The following HECW1 variants were observed in gnomAD, a reference collection of about 807,000 sequenced individuals.
The protein encoded by HECW1 is E3 ubiquitin-protein ligase HECW1.
Under a neutral mutation model 182.3 loss-of-function variants are expected in HECW1, and 61 were observed. The observed-to-expected ratio is 0.33, with a 90% confidence interval of 0.27 to 0.41. The LOEUF is 0.41. Among genes scored for constraint, HECW1 ranks in the 10% least tolerant of loss-of-function variants. HECW1 has a pLI of 1.00. For synonymous variants in HECW1, 859 were observed against 832.6 expected (o/e 1.03, Z -0.55); for missense variants, 1,739 against 2,108.9 (o/e 0.82, Z 3.44).
chr7:43,416,918 C>A (rs536406736), intron 8 of HECW1, among the ~76,000 whole-genome samples: 10 of 152,184 alleles, frequency 6.6e-5, no homozygotes, highest in Non-Finnish European at 1.2e-4. Flanking sequence ...CTGGCCTGCA[C>A]CCACTGCCTG....
At chr7:43,329,755 G>C (rs1811232660) in intron 5 of HECW1, among the ~76,000 whole-genome samples, 1 of 152,146 alleles carries the variant, frequency 6.6e-6, no homozygotes, top group Admixed American at 6.5e-5. Flanking sequence ...AAACAGAGAT[G>C]GGAAAGGAAC....
intron 4 of HECW1, 76 bp downstream of exon 4, chr7:43,312,163 T>G: frequency 7.8e-7 from 1 of 1,278,480 alleles, no homozygotes; most frequent in Non-Finnish European, 1.1e-6. Flanking sequence ...AACTCTACAA[T>G]ATAATTAAAA....
chr7:43,422,767 A>G (rs1410982859), intron 8 of HECW1, among the ~76,000 whole-genome samples: 1 of 152,170 alleles, frequency 6.6e-6, no homozygotes, highest in Non-Finnish European at 1.5e-5. Flanking sequence ...CAACAACACC[A>G]TGAGTAAATG....
intron 22 of HECW1, 131 bp downstream of exon 22, chr7:43,507,388 G>C (rs1226091944): frequency 1.2e-6 from 1 of 834,670 alleles, no homozygotes; most frequent in Admixed American, 3.0e-5. Context: ...TGAAGCGGGG[G>C]AAGAAGGAAG....
rs182451791 is a variant in HECW1, at chr7:43,487,430, A to G, written c.3235-4645A>G. On this transcript the variant is annotated intron_variant, in intron 17 of 29. Transcript: ENST00000395891. ...AAAAGAAATCCTAAAAGTAGTCCCTACTACAAACTGGGTTTTACCCAATTA... is the reference window on the plus strand; with the variant it reads ...AAAAGAAATCCTAAAAGTAGTCCCTGCTACAAACTGGGTTTTACCCAATTA... Among the ~76,000 whole-genome samples, 136 of 152,334 alleles carry G rather than the reference A, an allele frequency of 8.9e-4. 1 individual carries two copies. The highest frequency in any genetic ancestry group is 2.3e-3 in the African/African-American group (95 of 41,564).
intron 27 of HECW1, 55 bp downstream of exon 27, chr7:43,550,646 G>T: frequency 6.6e-7 from 1 of 1,521,362 alleles, no homozygotes; most frequent in Admixed American, 2.0e-5. Flanking sequence ...TGCTTCACGG[G>T]GCCTCATCCT....
intron 5 of HECW1, among the ~76,000 whole-genome samples, chr7:43,347,156 CT>C (rs753394966): frequency 9.2e-5 from 14 of 152,162 alleles, no homozygotes; most frequent in Non-Finnish European, 1.6e-4. Flanking sequence ...TTTGTGTCAT[CT>C]GTGATTTCTT....
chr7:43,507,059 G>C, intron 21 of HECW1, 78 bp from the exon 22 acceptor site: 1 of 1,529,250 alleles, frequency 6.5e-7, no homozygotes, highest in Non-Finnish European at 8.8e-7. Context: ...AACAGAGCGA[G>C]ACTCCTTCTC....
chr7:43,396,382 T>C (rs1026066455), intron 6 of HECW1, among the ~76,000 whole-genome samples: 8 of 152,152 alleles, frequency 5.3e-5, no homozygotes, highest in African/African-American at 1.7e-4. Context: ...TAAATAATAA[T>C]AAGTGGAGAT....
intron 19 of HECW1, among the ~76,000 whole-genome samples, chr7:43,493,949 G>A (rs76609090): frequency 0.037 from 5,560 of 152,192 alleles, 171 homozygotes; most frequent in East Asian, 0.14. Flanking sequence ...TTGAGGATGT[G>A]TAAAGGTTAA....
intron 5 of HECW1, among the ~76,000 whole-genome samples, chr7:43,325,770 G>T (rs73092853): frequency 0.039 from 5,934 of 152,104 alleles, 352 homozygotes; most frequent in African/African-American, 0.13. Flanking sequence ...CTCACCTCCC[G>T]GGTCAGTCTT....
chr7:43,366,260 G>A (rs970207008), intron 6 of HECW1, among the ~76,000 whole-genome samples: 1 of 151,852 alleles, frequency 6.6e-6, no homozygotes, highest in African/African-American at 2.4e-5. Context: ...CACCAATATA[G>A]GCTAAATTAG....
At chr7:43,225,761 T>C (rs1797368677) in intron 2 of HECW1, among the ~76,000 whole-genome samples, 1 of 152,142 alleles carries the variant, frequency 6.6e-6, no homozygotes, top group Admixed American at 6.5e-5. Context: ...AGAATCTACA[T>C]AGGATGCCAT....
At position 43,445,167 on chromosome 7, in the gene HECW1, C is replaced by T. The variant is rs1215560670; in HGVS notation, c.1995C>T (p.Gly665=). Residue 665 remains glycine, a synonymous_variant, in exon 11 of 30, where the codon GGC becomes GGT. Coordinates refer to ENST00000395891, the MANE Select transcript of HECW1 (RefSeq NM_015052.5). ...AGAGCGACTCCAGCCCCAGGCAAGG[C>T]GGGGACCACAGTTGCGAGGGCTGTG... ...GSESDSSPRQ[G]GDHSCEGCDA... The T allele has an allele frequency of 3.7e-6, 6 of 1,611,058 alleles. No homozygotes were observed. Among genetic ancestry groups the T allele is most frequent in the Admixed American group, 1.7e-5 (1 of 59,960 alleles).
At chr7:43,122,041 G>C (rs1386562850) in intron 2 of HECW1, 1 of 152,194 alleles carries the variant, frequency 6.6e-6, no homozygotes, top group East Asian at 1.9e-4. Context: ...GTTAGAAGAG[G>C]TGCACTCCAC....
At chr7:43,438,167 T>TA in intron 9 of HECW1, 22 bp downstream of exon 9, 1 of 1,605,696 alleles carries the variant, frequency 6.2e-7, no homozygotes, top group South Asian at 1.1e-5. Flanking sequence ...ACTGAGATCT[T>TA]ACTATCACTA....
Position 43,441,141 on chromosome 7 carries a change from C to T in HECW1, c.945-1388C>T, listed in dbSNP as rs1013398308. Among the ~76,000 whole-genome samples the T allele has an allele frequency of 3.9e-5, 6 of 152,184 alleles. No individual in the cohort carries two copies. In the East Asian group the frequency reaches 9.6e-4, roughly 24 times the overall value. On this transcript the variant is annotated intron_variant, in intron 9 of 29. Coordinates refer to ENST00000395891, the MANE Select transcript of HECW1 (RefSeq NM_015052.5). ...AGGCCCAGGTAAGGGGCAATTTACT[C>T]TGCTGAAGCTGCATTGTTAATGAAA...
At chr7:43,513,592 G>A (rs900687336) in intron 24 of HECW1, among the ~76,000 whole-genome samples, 3 of 152,016 alleles carry the variant, frequency 2.0e-5, no homozygotes, top group African/African-American at 7.2e-5. Context: ...CTCGTGCAGT[G>A]TTGAGACATA....
At position 43,247,394 on chromosome 7, in the gene HECW1, T is replaced by G. The variant is rs190659384; in HGVS notation, c.27+3462T>G. Among the ~76,000 whole-genome samples the G allele has an allele frequency of 3.3e-3, 503 of 150,404 alleles. 3 individuals carry two copies. The highest frequency in any genetic ancestry group is 4.1e-3 in the Non-Finnish European group (282 of 68,008). ...CAGGCACAGTGGCTCATGCCTGTAA[T>G]CCAGCACTTTGGGAGGGGGATAGCG... On this transcript the variant is annotated intron_variant, in intron 3 of 29. Coordinates refer to ENST00000395891, the MANE Select transcript of HECW1 (RefSeq NM_015052.5).
Sources: gnomAD v4.1 joint callset for allele counts (sites outside exome capture counted in the v4.1 genomes callset) on GRCh38, gnomAD v4.1.1 for gene constraint, MANE v1.5 for transcripts, NCBI Gene and HGNC (gene_info 2026-07-23, HGNC 2026-07-21) for gene names.